MED14: variants seen among roughly 807,000 people sequenced by gnomAD.
MED14 encodes mediator of RNA polymerase II transcription subunit 14.
A neutral mutation model predicts 109.0 loss-of-function variants in MED14; 8 were observed. The observed-to-expected ratio is 0.07, with a 90% CI of 0.04 to 0.13. The LOEUF (loss-of-function observed/expected upper bound fraction) is 0.13, where lower values mean the gene tolerates loss of function less well. Ranked by LOEUF, MED14 falls within the 10% of genes least tolerant of loss-of-function variation. The probability of loss-of-function intolerance (pLI) is 1.00; values close to 1 mark genes in which losing one functional copy is unlikely to be tolerated. For synonymous variants in MED14, 399 were observed against 408.7 expected (o/e 0.98, Z 0.29); for missense variants, 711 against 1,142.4 (o/e 0.62, Z 5.44).
chrX:40,656,279 A>G (rs1367281990), intron 28 of MED14, among the ~76,000 whole-genome samples: 3 of 111,881 alleles, frequency 2.7e-5, no homozygotes, highest in African/African-American at 6.5e-5. Context: ...AAACCTACCA[A>G]AAGTCAAGTC....
rs139585989 is a variant in MED14, at chrX:40,707,802, C to T, written c.1285+1546G>A. 4.6e-4 allele frequency among the ~76,000 whole-genome samples: 51 copies of T among 111,752 alleles called. No individual in the cohort carries two copies. The East Asian group carries it at 0.012, about 27-fold the overall frequency. Reference sequence around the variant, plus strand: ...TGGGTTGTGACTGCTAATGGGTACACGGTTTCTTTCTGGGATGATTAAAAT... The same window carrying T: ...TGGGTTGTGACTGCTAATGGGTACATGGTTTCTTTCTGGGATGATTAAAAT... On this transcript the variant is annotated intron_variant, in intron 10 of 30. Coordinates refer to ENST00000324817, the MANE Select transcript of MED14 (RefSeq NM_004229.4).
At chrX:40,692,347 T>TAA (rs11292945) in intron 14 of MED14, 30 bp from the exon 15 acceptor site, 511 of 874,639 alleles carry the variant, frequency 5.8e-4, no homozygotes, top group East Asian at 7.4e-4. Context: ...CACAAACAGG[T>TAA]AAAAAAAAAA....
chrX:40,661,007 C>T (rs1303455835), intron 26 of MED14, among the ~76,000 whole-genome samples: 1 of 112,356 alleles, frequency 8.9e-6, no homozygotes, highest in East Asian at 2.8e-4. Flanking sequence ...CTCTACCTCC[C>T]AGGTTCAAGC....
chrX:40,719,848 T>G (rs1931654078), intron 3 of MED14, among the ~76,000 whole-genome samples: 1 of 112,218 alleles, frequency 8.9e-6, no homozygotes, highest in Non-Finnish European at 1.9e-5. Context: ...GAATGAGAGA[T>G]ATTTTATCTT....
chrX:40,672,770 T>C (rs1163285007), intron 22 of MED14, among the ~76,000 whole-genome samples: 2 of 111,155 alleles, frequency 1.8e-5, no homozygotes, highest in African/African-American at 6.5e-5. Context: ...TTTTTTTTTT[T>C]ATTGATTCTT....
chrX:40,650,862 A>G lies in MED14; in HGVS notation c.*944T>C. The G allele has an allele frequency of 1.3e-6, 1 of 750,870 alleles. No homozygotes were observed. The highest frequency in any genetic ancestry group is 1.6e-6 in the Non-Finnish European group (1 of 635,893). 61.9% of individuals were successfully genotyped at this position (750,870 alleles called of 1,213,427 possible). On this transcript the variant is annotated 3_prime_UTR_variant, in exon 31 of 31. Coordinates refer to ENST00000324817, the MANE Select transcript of MED14 (RefSeq NM_004229.4). ...TCACAGAAACTTCATGCAGAGGTACAGCATTAAAGTTCTTTGTTTCCTAAT... is the reference window on the plus strand; with the variant it reads ...TCACAGAAACTTCATGCAGAGGTACGGCATTAAAGTTCTTTGTTTCCTAAT...
At chrX:40,672,739 T>A (rs151031587) in intron 22 of MED14, among the ~76,000 whole-genome samples, 2 of 111,480 alleles carry the variant, frequency 1.8e-5, no homozygotes, top group East Asian at 5.6e-4. Flanking sequence ...TTTTACCTAC[T>A]TTTAAAACCA....
intron 3 of MED14, among the ~76,000 whole-genome samples, chrX:40,723,431 C>T (rs952616179): frequency 5.4e-5 from 6 of 110,340 alleles, no homozygotes; most frequent in South Asian, 3.8e-4. Flanking sequence ...TTTGAGAAGC[C>T]GAGGCAGGTG....
chrX:40,723,667 G>GAAAAAA (rs56676419), intron 3 of MED14, among the ~76,000 whole-genome samples: 1 of 17,995 alleles, frequency 5.6e-5, no homozygotes, highest in Admixed American at 1.1e-3. Context: ...CTCCGTCTCA[G>GAAAAAA]AAAAAAAAAA....
At chrX:40,669,868 A>G (rs758546701) in intron 23 of MED14, among the ~76,000 whole-genome samples, 1 of 111,042 alleles carries the variant, frequency 9.0e-6, no homozygotes, top group East Asian at 2.8e-4. Flanking sequence ...GAAAGGAGGG[A>G]GGCAAACAAC....
chrX:40,720,132 A>G (rs1311806119), intron 3 of MED14, among the ~76,000 whole-genome samples: 1 of 112,576 alleles, frequency 8.9e-6, no homozygotes, highest in Non-Finnish European at 1.9e-5. Flanking sequence ...AGATGGTGGA[A>G]TACAAGCCAA....
chrX:40,651,939 G>T, intron 30 of MED14, 60 bp from the exon 31 acceptor site: 1 of 1,073,441 alleles, frequency 9.3e-7, no homozygotes, highest in East Asian at 3.3e-5. Flanking sequence ...TTAACACACC[G>T]GTAAGGGAAG....
intron 3 of MED14, among the ~76,000 whole-genome samples, chrX:40,724,191 C>A (rs1043819793): frequency 1.8e-5 from 2 of 112,030 alleles, no homozygotes; most frequent in African/African-American, 6.5e-5. Context: ...ATATATAAAC[C>A]AAATACTAAT....
intron 24 of MED14, 91 bp downstream of exon 24, chrX:40,666,629 A>C: frequency 1.0e-6 from 1 of 954,940 alleles, no homozygotes; most frequent in Middle Eastern, 3.8e-4. Flanking sequence ...TCAATAAACA[A>C]GTATTAATTT....
intron 22 of MED14, among the ~76,000 whole-genome samples, chrX:40,672,397 C>T (rs1443748312): frequency 4.5e-5 from 5 of 111,625 alleles, no homozygotes; most frequent in African/African-American, 9.8e-5. Context: ...TCTTTCTGAG[C>T]GGTAGATAAA....
Position 40,726,806 on chromosome X carries a change from G to A in MED14, c.288C>T (p.Phe96=). The A allele has an allele frequency of 2.5e-6, 3 of 1,208,350 alleles. No homozygotes were observed. The highest frequency in any genetic ancestry group is 1.7e-5 in the African/African-American group (1 of 57,709). ...VQFASRTRQL[F]VRLLALVKWA... Reference sequence around the variant, plus strand: ...ATTTCACTAAAGCTAATAATCGAACGAAGAGTTGGCGTGTCCGGCTAGCAA... The same window carrying A: ...ATTTCACTAAAGCTAATAATCGAACAAAGAGTTGGCGTGTCCGGCTAGCAA... The change falls in exon 3 of 31, where the codon TTC becomes TTT. Residue 96 remains phenylalanine (F), a synonymous_variant. Coordinates refer to ENST00000324817, the MANE Select transcript of MED14 (RefSeq NM_004229.4).
intron 16 of MED14, 55 bp downstream of exon 16, chrX:40,688,399 T>C: frequency 1.1e-6 from 1 of 893,578 alleles, no homozygotes; most frequent in Non-Finnish European, 1.6e-6. Flanking sequence ...AGAAGCAGCT[T>C]TCAGAGTGTG....
At position 40,693,844 on chromosome X, in the gene MED14, T is replaced by C. The variant is rs1172811214; in HGVS notation, c.1651-942A>G. ...AAAGCTTAATATGTGCCAAGTATTGTCCTAATACTTTACAGATGCTAACAT... is the reference window on the plus strand; with the variant it reads ...AAAGCTTAATATGTGCCAAGTATTGCCCTAATACTTTACAGATGCTAACAT... On this transcript the variant is annotated intron_variant, in intron 13 of 30. Coordinates refer to ENST00000324817, the MANE Select transcript of MED14 (RefSeq NM_004229.4). 4.5e-5 allele frequency among the ~76,000 whole-genome samples: 5 copies of C among 111,607 alleles called. No homozygotes were observed. In the South Asian group the frequency reaches 1.9e-3, roughly 42 times the overall value.
chrX:40,711,081 A>G lies in MED14; in HGVS notation c.1022+88T>C, dbSNP rs1297314734. 4.0e-6 allele frequency: 4 copies of G among 1,007,906 alleles called. No individual in the cohort carries two copies. In the Admixed American group the frequency reaches 7.8e-5, roughly 20 times the overall value. 83.1% of individuals were successfully genotyped at this position (1,007,906 alleles called of 1,213,427 possible). On this transcript the variant is annotated intron_variant, in intron 8 of 30. Coordinates refer to ENST00000324817, the MANE Select transcript of MED14 (RefSeq NM_004229.4). ...CTTGTGTTGTCCAAGGGTCAACTGT[A>G]TATTAAATCAGATGTATGAGAGAAA...
Sources: gnomAD v4.1 joint callset for allele counts (sites outside exome capture counted in the v4.1 genomes callset) on GRCh38, gnomAD v4.1.1 for gene constraint, MANE v1.5 for transcripts, NCBI Gene and HGNC (gene_info 2026-07-23, HGNC 2026-07-21) for gene names.